GTPBP4: variants seen among roughly 807,000 people sequenced by gnomAD.
GTPBP4 encodes GTP binding protein 4, also known as GTP-binding protein 4.
GTPBP4 carries 15 observed loss-of-function variants against 81.7 expected under a neutral mutation model. That is an observed-to-expected ratio of 0.18 (90% CI 0.12 to 0.28). The LOEUF is 0.28. Among genes scored for constraint, GTPBP4 ranks in the 10% least tolerant of loss-of-function variants. The probability of loss-of-function intolerance (pLI) is 1.00; values close to 1 mark genes in which losing one functional copy is unlikely to be tolerated. For synonymous variants in GTPBP4, 272 were observed against 274.6 expected (o/e 0.99, Z 0.09); for missense variants, 847 against 793.8 (o/e 1.07, Z -0.81).
At chr10:996,083 A>C (rs112038002) in intron 3 of GTPBP4, 23 bp from the exon 4 acceptor site, 65 of 1,586,600 alleles carry the variant, frequency 4.1e-5, no homozygotes, top group Non-Finnish European at 5.1e-5. Context: ...AGTGGAAAAA[A>C]TAATATTTTT....
chr10:992,399 C>CAAA (rs545128429), intron 1 of GTPBP4, 90 bp from the exon 2 acceptor site: 678 of 571,528 alleles, frequency 1.2e-3, no homozygotes, highest in Middle Eastern at 1.5e-3. Flanking sequence ...GACTCTGTCT[C>CAAA]AAAAAAAAAA....
chr10:1,019,465 C>A lies in GTPBP4; in HGVS notation c.*2238C>A, dbSNP rs918944091. 31 of 1,437,630 alleles carry A rather than the reference C, an allele frequency of 2.2e-5. No individual in the cohort carries two copies. In the Admixed American group the frequency reaches 5.3e-4, roughly 25 times the overall value. The allele number at this position is 1,437,630 out of a possible 1,614,324, so 89.1% of individuals were successfully genotyped here. A position where few individuals can be genotyped will look rare whatever the true frequency, so the allele number is the denominator to read the frequency against. ...AGGGTGTATCATTGCCTCAATGGTG[C>A]GTCTGCCTGCACTGAGGGCATTACA... On this transcript the variant is annotated 3_prime_UTR_variant, in exon 17 of 17. Transcript: ENST00000360803.
intron 13 of GTPBP4, 34 bp downstream of exon 13, chr10:1,010,554 C>T (rs1256457920): frequency 1.7e-6 from 2 of 1,147,932 alleles, no homozygotes; most frequent in Non-Finnish European, 2.7e-6. Context: ...GGATTGTTTT[C>T]CTTTTTATTA....
rs1331773960 is a variant in GTPBP4 at position 1,017,532 on chromosome 10, T to G, written c.*305T>G. The G allele has an allele frequency of 1.2e-5, 3 of 240,086 alleles. No individual in the cohort carries two copies. The Admixed American group carries it at 1.6e-4, about 13-fold the overall frequency. 14.9% of individuals were successfully genotyped at this position (240,086 alleles called of 1,614,324 possible). ...AGGTTGTTTTTGATGGAGAAAAACCTTATTTTCTTTTGTAAGAGCTGGGAG... is the reference window on the plus strand; with the variant it reads ...AGGTTGTTTTTGATGGAGAAAAACCGTATTTTCTTTTGTAAGAGCTGGGAG... On this transcript the variant is annotated 3_prime_UTR_variant, in exon 17 of 17. Transcript: ENST00000360803.
At chr10:1,001,095 A>G in intron 8 of GTPBP4, 82 bp downstream of exon 8, 2 of 870,970 alleles carry the variant, frequency 2.3e-6, no homozygotes, top group Non-Finnish European at 3.9e-6. Context: ...TAGATGAAGG[A>G]ATTTTAGCAA....
chr10:999,959 C>CA (rs1021634523), intron 6 of GTPBP4, among the ~76,000 whole-genome samples: 308 of 151,850 alleles, frequency 2.0e-3, no homozygotes, highest in Non-Finnish European at 3.2e-3. Flanking sequence ...AACTCTGTCT[C>CA]AAAAAAAATA....
Position 1,017,168 on chromosome 10 carries a change from A to G in GTPBP4, c.1846A>G (p.Met616Val), listed in dbSNP as rs769766576. The G allele has an allele frequency of 3.5e-5, 56 of 1,613,878 alleles. No homozygotes were observed. Among genetic ancestry groups the G allele is most frequent in the Non-Finnish European group, 4.5e-5 (53 of 1,179,826 alleles). The change falls in exon 17 of 17, where the codon ATG (methionine) becomes GTG (valine). Residue 616 changes from methionine to valine, a missense_variant. This residue lies in a region of GTPBP4 where 600 missense variants were observed against 557.1 expected (regional missense o/e 1.08). Transcript: ENST00000360803. ...KGEADRHVFDMKPKHLLSGKR... is the reference protein window; with the variant it reads ...KGEADRHVFDVKPKHLLSGKR... ...GGAGGCGGATAGACACGTGTTTGAT[A>G]TGAAGCCCAAGCACTTGCTGTCTGG...
At position 993,379 on chromosome 10, in the gene GTPBP4, C is replaced by T. The variant is rs185411687; in HGVS notation, c.219+720C>T. Among the ~76,000 whole-genome samples, 157 of 152,226 alleles carry T rather than the reference C, an allele frequency of 1.0e-3. 1 individual carries two copies. Among genetic ancestry groups the T allele is most frequent in the South Asian group, 5.8e-3 (28 of 4,816 alleles). ...GCAATTCTTGTGCTTCAGCCTCCCGCGTAGCTGGGATTACAGGTGCATAAC... is the reference window on the plus strand; with the variant it reads ...GCAATTCTTGTGCTTCAGCCTCCCGTGTAGCTGGGATTACAGGTGCATAAC... On this transcript the variant is annotated intron_variant, in intron 2 of 16. Transcript: ENST00000360803.
At chr10:990,113 G>A (rs753595617) in intron 1 of GTPBP4, among the ~76,000 whole-genome samples, 81 of 152,320 alleles carry the variant, frequency 5.3e-4, no homozygotes, top group Middle Eastern at 3.4e-3. Context: ...TTTGTTGAAG[G>A]AATTTGCTCT....
rs1459460874 is a variant in GTPBP4 at position 1,012,578 on chromosome 10, A to C, written c.1458A>C (p.Gln486His). ...TGGAAATCCGACAGCTGGCAAAGCA[A>C]ATTCGAGAGAAAAAGAAGTTGAAAA... The part of the protein sequence containing the change: ...EMLEIRQLAK[Q>H]IREKKKLKIL... The change falls in exon 14 of 17, where the codon CAA becomes CAC. Residue 486 changes from glutamine (Q) to histidine (H), a missense_variant. By Grantham distance (24) the Gln-to-His change is conservative (BLOSUM62 0). Transcript: ENST00000360803. 2 of 1,614,004 alleles carry C rather than the reference A, an allele frequency of 1.2e-6. No homozygotes were observed. The highest frequency in any genetic ancestry group is 1.7e-6 in the Non-Finnish European group (2 of 1,179,956).
At chr10:991,782 G>T (rs35982072) in intron 1 of GTPBP4, among the ~76,000 whole-genome samples, 1 of 131,202 alleles carries the variant, frequency 7.6e-6, no homozygotes, top group Non-Finnish European at 1.6e-5. Flanking sequence ...TGCAAGCTCC[G>T]CCTCCCGGGT....
rs779949170 is a variant in GTPBP4, at chr10:988,513, G to T, written c.34G>T (p.Val12Leu). ...AHYNFKKITVVPSAKDFIDLT... is the reference protein window; with the variant it reads ...AHYNFKKITVLPSAKDFIDLT... ...TTACAACTTCAAGAAAATTACGGTGGTGCCGTCCGCCAAGGTAGGCGGCCC... is the reference window on the plus strand; with the variant it reads ...TTACAACTTCAAGAAAATTACGGTGTTGCCGTCCGCCAAGGTAGGCGGCCC... Residue 12 changes from valine to leucine, a missense_variant, in exon 1 of 17, where the codon GTG (valine) becomes TTG (leucine). Val to Leu is a conservative substitution (Grantham distance 32). Around this residue, in one of 3 missense-constraint regions of GTPBP4, gnomAD observed 241 missense variants for 216.3 expected, o/e 1.11. Coordinates refer to ENST00000360803, the MANE Select transcript of GTPBP4 (RefSeq NM_012341.3). 6 of 1,612,794 alleles carry T rather than the reference G, an allele frequency of 3.7e-6. No individual in the cohort carries two copies. Among genetic ancestry groups the T allele is most frequent in the South Asian group, 3.3e-5 (3 of 91,032 alleles).
At chr10:999,990 C>A (rs1238698309) in intron 6 of GTPBP4, among the ~76,000 whole-genome samples, 1 of 152,052 alleles carries the variant, frequency 6.6e-6, no homozygotes, top group Non-Finnish European at 1.5e-5. Flanking sequence ...AAGCAAGAAG[C>A]AATGTTTCCA....
chr10:1,019,218 C>A lies in GTPBP4; in HGVS notation c.*1991C>A. 1 of 312,430 alleles carries A rather than the reference C, an allele frequency of 3.2e-6. No individual in the cohort carries two copies. The highest frequency in any genetic ancestry group is 6.1e-6 in the Non-Finnish European group (1 of 164,704). The allele number at this position is 312,430 out of a possible 1,614,324, so 19.4% of individuals were successfully genotyped here. A position where few individuals can be genotyped will look rare whatever the true frequency, so the allele number is the denominator to read the frequency against. On this transcript the variant is annotated 3_prime_UTR_variant, in exon 17 of 17. Transcript: ENST00000360803. ...GCCTGCTTCAGGACTCTCAAGATCT[C>A]CCCAAGACTTTCAGGATCAGCTGCT...
In GTPBP4 at chr10:1,019,612, G is replaced by T. The variant is rs1239899884; in HGVS notation, c.*2385G>T. ...AGAAACCTCTCGGCAATGGTTCTTA[G>T]CCAGGGGGTGACTTTGACTTCACCC... On this transcript the variant is annotated 3_prime_UTR_variant, in exon 17 of 17. Coordinates refer to ENST00000360803, the MANE Select transcript of GTPBP4 (RefSeq NM_012341.3). The T allele has an allele frequency of 1.2e-6, 2 of 1,614,016 alleles. No individual in the cohort carries two copies. Among genetic ancestry groups the T allele is most frequent in the Non-Finnish European group, 8.5e-7 (1 of 1,179,998 alleles).
chr10:1,019,894 A>C lies in GTPBP4; in HGVS notation c.*2667A>C. On this transcript the variant is annotated 3_prime_UTR_variant, in exon 17 of 17. Coordinates refer to ENST00000360803, the MANE Select transcript of GTPBP4 (RefSeq NM_012341.3). ...TAATGTAAAACACAGAATTTACAGA[A>C]AAATAGAGAAAATAAACACATTTGT... 8.5e-7 allele frequency: 1 copy of C among 1,173,162 alleles called. No individual in the cohort carries two copies. Among genetic ancestry groups the C allele is most frequent in the Non-Finnish European group, 1.2e-6 (1 of 801,094 alleles). The allele number at this position is 1,173,162 out of a possible 1,614,324, so 72.7% of individuals were successfully genotyped here.
chr10:997,115 C>A, intron 4 of GTPBP4, 93 bp from the exon 5 acceptor site: 2 of 780,708 alleles, frequency 2.6e-6, no homozygotes, highest in South Asian at 1.5e-5. Context: ...ATGAATATCA[C>A]CATAGGCCTG....
chr10:1,001,367 A>G (rs1831627859), intron 8 of GTPBP4, among the ~76,000 whole-genome samples: 1 of 152,200 alleles, frequency 6.6e-6, no homozygotes, highest in African/African-American at 2.4e-5. Context: ...TTTGGAGACT[A>G]ATGATTGAGT....
chr10:1,016,947 G>C, intron 16 of GTPBP4, 128 bp from the exon 17 acceptor site: 1 of 648,378 alleles, frequency 1.5e-6, no homozygotes. Flanking sequence ...AGAGAAAAGA[G>C]ATGTAACAGG....
Sources: allele counts gnomAD v4.1 joint callset (sites outside exome capture counted in the v4.1 genomes callset), GRCh38; gene constraint gnomAD v4.1.1; regional missense constraint gnomAD v4.1.1; transcripts MANE v1.5; gene names NCBI Gene and HGNC (gene_info 2026-07-23, HGNC 2026-07-21).